PCDHA11: variants seen among roughly 807,000 people sequenced by gnomAD.
PCDHA11 encodes the protein protocadherin alpha 11.
In PCDHA11, 61 loss-of-function variants were observed where a neutral mutation model predicts 70.3. The observed-to-expected ratio is 0.87, with a 90% CI of 0.71 to 1.07. The LOEUF is 1.07. Among genes scored for constraint, PCDHA11 ranks in the 50% least tolerant of loss-of-function variants. PCDHA11 has a pLI of 0.00. For synonymous variants in PCDHA11, 633 were observed against 555.1 expected (o/e 1.14, Z -1.97); for missense variants, 1,324 against 1,237.5 (o/e 1.07, Z -1.05).
At position 140,916,615 on chromosome 5, in the gene PCDHA11, T is replaced by C. The variant is rs191815089; in HGVS notation, c.2391+45121T>C. Among the ~76,000 whole-genome samples the C allele has an allele frequency of 2.6e-5, 4 of 152,270 alleles. No homozygotes were observed. In the East Asian group the frequency reaches 5.8e-4, roughly 22 times the overall value. On this transcript the variant is annotated intron_variant, in intron 1 of 3. Transcript: ENST00000398640. ...GGGCCTGGAATGCGGGCCTCATGAC[T>C]CTACTCAATGCCCTATCCTACTGTG...
chr5:140,995,679 T>C (rs2153934903), intron 3 of PCDHA11, among the ~76,000 whole-genome samples: 1 of 152,322 alleles, frequency 6.6e-6, no homozygotes, highest in Non-Finnish European at 1.5e-5. Context: ...GCAGCATTTT[T>C]TTTAATTGTT....
At chr5:140,972,660 A>ATTTTTTTTTTTTTTTTTTTTTTTTTT (rs11350929) in intron 1 of PCDHA11, among the ~76,000 whole-genome samples, 1 of 117,268 alleles carries the variant, frequency 8.5e-6, no homozygotes, top group Non-Finnish European at 1.7e-5. Context: ...AAGAAACCAA[A>ATTTTTTTTTTTTTTTTTTTTTTTTTT]TTTTTTTTTT....
intron 1 of PCDHA11, chr5:140,927,414 A>T: frequency 6.2e-7 from 1 of 1,614,114 alleles, no homozygotes; most frequent in South Asian, 1.1e-5. Context: ...TGGACATGGG[A>T]TCGCGGGTTG....
chr5:140,882,681 A>G, intron 1 of PCDHA11: 1 of 1,614,176 alleles, frequency 6.2e-7, no homozygotes, highest in Non-Finnish European at 8.5e-7. Context: ...GAAAGCAAGA[A>G]ACGAATAATC....
In PCDHA11 at chr5:140,870,210, C is replaced by T. The variant is rs1430379869; in HGVS notation, c.1107C>T (p.Ala369=). 6.2e-7 allele frequency: 1 copy of T among 1,614,058 alleles called. No homozygotes were observed. The highest frequency in any genetic ancestry group is 1.3e-5 in the African/African-American group (1 of 74,938). The change falls in exon 1 of 4, where the codon GCC becomes GCT. Residue 369 remains alanine (A), a synonymous_variant. Coordinates refer to ENST00000398640, the MANE Select transcript of PCDHA11 (RefSeq NM_018902.5). ...ACGCTCAGCCCAGCACGGTCATTGC[C>T]CTGATCAGCGTGTCTGACCGTGACT... ...REDAQPSTVI[A]LISVSDRDSG... is the part of the protein sequence containing the mutation.
At chr5:140,976,060 T>G (rs1554237234) in intron 1 of PCDHA11, among the ~76,000 whole-genome samples, 3 of 152,228 alleles carry the variant, frequency 2.0e-5, no homozygotes. Flanking sequence ...GATAGTAATA[T>G]ATGTCTTACT....
At chr5:140,907,500 G>T (rs2073413620) in intron 1 of PCDHA11, among the ~76,000 whole-genome samples, 1 of 152,228 alleles carries the variant, frequency 6.6e-6, no homozygotes, top group Non-Finnish European at 1.5e-5. Flanking sequence ...TCCAGAGTAA[G>T]TGTCTATTCC....
chr5:141,008,953 A>G (rs1554261966), intron 3 of PCDHA11, among the ~76,000 whole-genome samples: 1 of 152,240 alleles, frequency 6.6e-6, no homozygotes, highest in African/African-American at 2.4e-5. Context: ...CAAAATAGAC[A>G]TCCTAATACA....
At position 140,917,315 on chromosome 5, in the gene PCDHA11, T is replaced by C. The variant is rs1015690007; in HGVS notation, c.2391+45821T>C. Among the ~76,000 whole-genome samples, 5 of 128,328 alleles carry C rather than the reference T, an allele frequency of 3.9e-5. No homozygotes were observed. In the East Asian group the frequency reaches 1.3e-3, roughly 32 times the overall value. 84.2% of individuals were successfully genotyped at this position (128,328 alleles called of 152,430 possible). A position where few individuals can be genotyped will look rare whatever the true frequency, so the allele number is the denominator to read the frequency against. On this transcript the variant is annotated intron_variant, in intron 1 of 3. Coordinates refer to ENST00000398640, the MANE Select transcript of PCDHA11 (RefSeq NM_018902.5). Reference sequence around the variant, plus strand: ...TGCAGATAGTTGTTACAATTTGGTGTTCATGTGGCGGGGGAGGGGGGGGAT... The same window carrying C: ...TGCAGATAGTTGTTACAATTTGGTGCTCATGTGGCGGGGGAGGGGGGGGAT...
At chr5:141,001,957 G>A in intron 3 of PCDHA11, among the ~76,000 whole-genome samples, 1 of 152,294 alleles carries the variant, frequency 6.6e-6, no homozygotes, top group African/African-American at 2.4e-5. Flanking sequence ...AGGAGGGAGA[G>A]GCGGGGTGTC....
intron 1 of PCDHA11, chr5:140,966,540 C>G (rs1477712677): frequency 4.3e-6 from 2 of 462,788 alleles, no homozygotes; most frequent in African/African-American, 2.0e-5. Flanking sequence ...TTGAGCGACT[C>G]GGAGGCGAGC....
At chr5:140,992,332 A>G (rs1554252819) in intron 3 of PCDHA11, among the ~76,000 whole-genome samples, 1 of 152,202 alleles carries the variant, frequency 6.6e-6, no homozygotes, top group African/African-American at 2.4e-5. Context: ...TCTAAGAGCA[A>G]AGATGGAAAT....
rs199847007 is a variant in PCDHA11, at chr5:140,883,896, C to A, written c.2391+12402C>A. ...GTGAGCGCGCGCGACTCTGGCGTGC[C>A]GCCTCTGGGCAGCAACGTGACGCTG... On this transcript the variant is annotated intron_variant, in intron 1 of 3. Transcript: ENST00000398640. The A allele has an allele frequency of 3.1e-6, 5 of 1,613,386 alleles. 1 individual carries two copies. In the South Asian group the frequency reaches 4.4e-5, roughly 14 times the overall value.
rs377133743 is a variant in PCDHA11 at position 140,875,740 on chromosome 5, A to C, written c.2391+4246A>C. The C allele has an allele frequency of 2.1e-4, 339 of 1,614,222 alleles. No individual in the cohort carries two copies. The African/African-American group carries it at 4.0e-3, about 19-fold the overall frequency. On this transcript the variant is annotated intron_variant, in intron 1 of 3. Coordinates refer to ENST00000398640, the MANE Select transcript of PCDHA11 (RefSeq NM_018902.5). ...TGGCATTTTGTTTGTGAATTCTCGG[A>C]TCGACCGCGAGAAGCTGTGCGGGCG...
chr5:140,951,333 G>A (rs922078825), intron 1 of PCDHA11, among the ~76,000 whole-genome samples: 1 of 151,964 alleles, frequency 6.6e-6, no homozygotes, highest in African/African-American at 2.4e-5. Flanking sequence ...TCATCATTCT[G>A]TTTGTGTTAG....
chr5:140,900,022 T>C (rs1554188836), intron 1 of PCDHA11, among the ~76,000 whole-genome samples: 1 of 152,044 alleles, frequency 6.6e-6, no homozygotes, highest in African/African-American at 2.4e-5. Flanking sequence ...GTTACCCAGT[T>C]TGGCCTTGAA....
At position 140,982,579 on chromosome 5, in the gene PCDHA11, C is replaced by G. The variant is rs781915481; in HGVS notation, c.2539+16C>G. 7 of 1,612,084 alleles carry G rather than the reference C, an allele frequency of 4.3e-6. No individual in the cohort carries two copies. In the Admixed American group the frequency reaches 1.2e-4, roughly 27 times the overall value. On this transcript the variant is annotated intron_variant, in intron 3 of 3. Coordinates refer to ENST00000398640, the MANE Select transcript of PCDHA11 (RefSeq NM_018902.5). ...GCAACACCAGGTAAAGAGCTGGGGT[C>G]TCTCCATTCTTTCTTGGTTTCTGGA...
At chr5:140,955,343 A>G (rs1031411707) in intron 1 of PCDHA11, among the ~76,000 whole-genome samples, 16 of 152,134 alleles carry the variant, frequency 1.1e-4, no homozygotes, top group African/African-American at 3.9e-4. Context: ...TAATCCCCAC[A>G]TGTTGTGAGA....
chr5:140,933,567 A>G lies in PCDHA11; in HGVS notation c.2392-45382A>G, dbSNP rs146986632. ...AATATAAAATAAAAACCAATTAAGA[A>G]GTCTTAATAGTGGGTTTTTAGGTTG... On this transcript the variant is annotated intron_variant, in intron 1 of 3. Coordinates refer to ENST00000398640, the MANE Select transcript of PCDHA11 (RefSeq NM_018902.5). Among the ~76,000 whole-genome samples the G allele has an allele frequency of 5.4e-3, 827 of 152,184 alleles. 4 individuals are homozygous for G. Among genetic ancestry groups the G allele is most frequent in the African/African-American group, 0.019 (796 of 41,566 alleles).
Sources: gnomAD v4.1 joint callset for allele counts (sites outside exome capture counted in the v4.1 genomes callset) on GRCh38, gnomAD v4.1.1 for gene constraint, MANE v1.5 for transcripts, NCBI Gene and HGNC (gene_info 2026-07-23, HGNC 2026-07-21) for gene names.